The following SLC2A13 variants were observed in gnomAD, a reference collection of about 807,000 sequenced individuals.
The protein encoded by SLC2A13 is proton myo-inositol cotransporter.
A neutral mutation model predicts 64.4 loss-of-function variants in SLC2A13; 32 were observed. That is an observed-to-expected ratio of 0.50 (90% CI 0.37 to 0.67). SLC2A13 has a LOEUF of 0.67. Among genes scored for constraint, SLC2A13 ranks in the 30% least tolerant of loss-of-function variants. The pLI is 0.00. For synonymous variants in SLC2A13, 338 were observed against 327.1 expected (o/e 1.03, Z -0.36); for missense variants, 743 against 829.2 (o/e 0.90, Z 1.28).
chr12:40,071,170 T>C (rs17442304), intron 1 of SLC2A13, among the ~76,000 whole-genome samples: 18,825 of 152,188 alleles, frequency 0.12, 1,550 homozygotes, highest in Middle Eastern at 0.18. Flanking sequence ...GTCTCACTGA[T>C]CTACGCGTGT....
intron 6 of SLC2A13, among the ~76,000 whole-genome samples, chr12:39,838,483 A>C (rs1244548745): frequency 7.2e-6 from 1 of 139,710 alleles, no homozygotes; most frequent in Admixed American, 7.7e-5. Context: ...CTAAAACTTA[A>C]AGTATAATAA....
intron 1 of SLC2A13, among the ~76,000 whole-genome samples, chr12:40,067,321 C>A (rs1384852468): frequency 6.6e-6 from 1 of 152,188 alleles, no homozygotes; most frequent in Non-Finnish European, 1.5e-5. Flanking sequence ...CCCACCTCAG[C>A]CTCCTGAGTA....
At chr12:40,044,596 T>C (rs1197922074) in intron 2 of SLC2A13, among the ~76,000 whole-genome samples, 1 of 152,210 alleles carries the variant, frequency 6.6e-6, no homozygotes, top group East Asian at 1.9e-4. Context: ...TGTACTATGA[T>C]AATGAAGTGC....
At chr12:40,016,555 T>C (rs1008106321) in intron 3 of SLC2A13, among the ~76,000 whole-genome samples, 1 of 152,198 alleles carries the variant, frequency 6.6e-6, no homozygotes, top group Non-Finnish European at 1.5e-5. Context: ...ACTGTAGTCA[T>C]AGCTAGTGAA....
chr12:40,081,915 G>C lies in SLC2A13; in HGVS notation c.556+23338C>G, dbSNP rs555379113. Among the ~76,000 whole-genome samples the C allele has an allele frequency of 9.1e-4, 138 of 152,280 alleles. 1 individual carries two copies. Among genetic ancestry groups the C allele is most frequent in the African/African-American group, 3.1e-3 (127 of 41,558 alleles). On this transcript the variant is annotated intron_variant, in intron 1 of 9. Coordinates refer to ENST00000280871, the MANE Select transcript of SLC2A13 (RefSeq NM_052885.4). ...CAGTGGTATAAGCTGGGTATAAATT[G>C]ATTGGCTTCATGTCTGGATGATTGC...
chr12:40,013,894 G>C (rs1255094163), intron 3 of SLC2A13, among the ~76,000 whole-genome samples: 1 of 152,158 alleles, frequency 6.6e-6, no homozygotes, highest in Non-Finnish European at 1.5e-5. Flanking sequence ...TTGCCCAATT[G>C]TGTAACTGAT....
At chr12:40,058,817 T>G (rs1948373793) in intron 1 of SLC2A13, among the ~76,000 whole-genome samples, 1 of 152,202 alleles carries the variant, frequency 6.6e-6, no homozygotes. Context: ...CTCATAATAT[T>G]CTGAGAAACA....
chr12:39,849,483 A>G (rs993635330), intron 6 of SLC2A13, among the ~76,000 whole-genome samples: 2 of 152,120 alleles, frequency 1.3e-5, no homozygotes, highest in African/African-American at 4.8e-5. Flanking sequence ...TAGCTTGTCA[A>G]GGTTGTTTTG....
At chr12:39,966,041 TC>T (rs541173749) in intron 3 of SLC2A13, among the ~76,000 whole-genome samples, 117 of 151,302 alleles carry the variant, frequency 7.7e-4, no homozygotes, top group African/African-American at 2.7e-3. Flanking sequence ...AATCTTTTTT[TC>T]ATATATATAT....
At chr12:39,924,264 G>A (rs183621191) in intron 4 of SLC2A13, among the ~76,000 whole-genome samples, 1 of 152,158 alleles carries the variant, frequency 6.6e-6, no homozygotes, top group Admixed American at 6.6e-5. Context: ...AAGCTGAAGA[G>A]ATACACAGGT....
intron 1 of SLC2A13, among the ~76,000 whole-genome samples, chr12:40,049,795 T>A (rs1487623648): frequency 6.6e-6 from 1 of 152,170 alleles, no homozygotes; most frequent in East Asian, 1.9e-4. Flanking sequence ...TAATACATAT[T>A]TATTTGGGAA....
chr12:39,959,441 G>A (rs1454858322), intron 3 of SLC2A13, among the ~76,000 whole-genome samples: 4 of 152,160 alleles, frequency 2.6e-5, no homozygotes, highest in Middle Eastern at 3.2e-3. Context: ...CATTAGGGCC[G>A]GTATGCAATG....
At chr12:39,889,986 T>G (rs958763405) in intron 4 of SLC2A13, among the ~76,000 whole-genome samples, 2 of 152,190 alleles carry the variant, frequency 1.3e-5, no homozygotes, top group Admixed American at 6.6e-5. Context: ...TATTTTACAC[T>G]TCTACATAGT....
chr12:39,854,847 C>T (rs1354318705), intron 6 of SLC2A13, among the ~76,000 whole-genome samples: 4 of 152,164 alleles, frequency 2.6e-5, no homozygotes, highest in Non-Finnish European at 5.9e-5. Context: ...TTGCACAGTT[C>T]GCTGTCATGC....
intron 7 of SLC2A13, among the ~76,000 whole-genome samples, chr12:39,827,996 G>C (rs1942741668): frequency 6.6e-6 from 1 of 152,022 alleles, no homozygotes; most frequent in African/African-American, 2.4e-5. Flanking sequence ...CCAAGGTCAT[G>C]GTTGACTTTG....
chr12:39,941,921 T>C (rs187098211), intron 4 of SLC2A13, among the ~76,000 whole-genome samples: 2 of 152,334 alleles, frequency 1.3e-5, no homozygotes, highest in Admixed American at 1.3e-4. Context: ...TTCATTCTCC[T>C]ACATGTGGCT....
chr12:40,043,924 A>T (rs942727974), intron 2 of SLC2A13, among the ~76,000 whole-genome samples: 4 of 152,188 alleles, frequency 2.6e-5, no homozygotes, highest in Non-Finnish European at 5.9e-5. Context: ...GCCACTTTGG[A>T]AGCAGTCTGG....
chr12:40,006,762 G>C (rs1244847788), intron 3 of SLC2A13, among the ~76,000 whole-genome samples: 3 of 152,134 alleles, frequency 2.0e-5, no homozygotes, highest in Admixed American at 6.5e-5. Context: ...GTTCACTCAA[G>C]TCTCTCTGGA....
At chr12:40,059,479 A>C (rs7134524) in intron 1 of SLC2A13, among the ~76,000 whole-genome samples, 132,018 of 152,204 alleles carry the variant, frequency 0.87, 57,309 homozygotes, top group East Asian at 0.95. Context: ...CCAAACTCCC[A>C]CTTTAGGTTT....
Sources: gnomAD v4.1 joint callset for allele counts (sites outside exome capture counted in the v4.1 genomes callset) on GRCh38, gnomAD v4.1.1 for gene constraint, MANE v1.5 for transcripts, NCBI Gene and HGNC (gene_info 2026-07-23, HGNC 2026-07-21) for gene names.